The following CEP170 variants were observed in gnomAD, a reference collection of about 807,000 sequenced individuals.
CEP170 encodes centrosomal protein of 170 kDa.
CEP170 carries 21 observed loss-of-function variants against 151.9 expected under a neutral mutation model. That is an observed-to-expected ratio of 0.14 (90% CI 0.10 to 0.20). The LOEUF (loss-of-function observed/expected upper bound fraction) is 0.20, where lower values mean the gene tolerates loss of function less well. CEP170 is among the 10% of genes least tolerant of loss of function. The probability of loss-of-function intolerance (pLI) is 1.00; values close to 1 mark genes in which losing one functional copy is unlikely to be tolerated. For missense variants in CEP170, 964 were observed against 1,892.9 expected (o/e 0.51, Z 9.11); for synonymous variants, 356 against 648.8 (o/e 0.55, Z 6.86).
At chr1:243,200,451 GAGAACAA>G in intron 6 of CEP170, 60 bp downstream of exon 6, 1 of 1,589,786 alleles carries the variant, frequency 6.3e-7, no homozygotes. Context: ...CCAACTTTCT[GAGAACAA>G]AGCATGCAGT....
intron 2 of CEP170, among the ~76,000 whole-genome samples, chr1:243,223,354 C>A (rs1199571443): frequency 6.6e-6 from 1 of 152,068 alleles, no homozygotes; most frequent in Non-Finnish European, 1.5e-5. Context: ...TGAAATGTTA[C>A]CATTAGATAT....
chr1:243,145,029 T>G (rs2056302105), intron 14 of CEP170, among the ~76,000 whole-genome samples: 1 of 152,074 alleles, frequency 6.6e-6, no homozygotes, highest in Admixed American at 6.5e-5. Context: ...CTATGTAAAT[T>G]ATCTCAGTCA....
chr1:243,169,203 A>G (rs2058655056), intron 12 of CEP170: 1 of 152,900 alleles, frequency 6.5e-6, no homozygotes, highest in Non-Finnish European at 1.5e-5. Context: ...AAATTTAAAA[A>G]CCATTCTTAT....
At chr1:243,151,598 GA>G (rs1318792012) in intron 14 of CEP170, among the ~76,000 whole-genome samples, 1 of 152,260 alleles carries the variant, frequency 6.6e-6, no homozygotes, top group Non-Finnish European at 1.5e-5. Flanking sequence ...AACTGCAGAA[GA>G]AAAGTTTGCA....
At chr1:243,147,780 G>A (rs2056664800) in intron 14 of CEP170, among the ~76,000 whole-genome samples, 1 of 152,096 alleles carries the variant, frequency 6.6e-6, no homozygotes, top group Admixed American at 6.6e-5. Flanking sequence ...CTAAGACAAG[G>A]AACTTCTACG....
intron 10 of CEP170, among the ~76,000 whole-genome samples, chr1:243,176,388 T>C (rs2059255287): frequency 6.7e-6 from 1 of 149,980 alleles, no homozygotes; most frequent in African/African-American, 2.4e-5. Flanking sequence ...GAGAGCTGTC[T>C]GGGCCTGGCA....
intron 4 of CEP170, among the ~76,000 whole-genome samples, chr1:243,210,708 G>A (rs2061732213): frequency 7.5e-6 from 1 of 132,556 alleles, no homozygotes; most frequent in East Asian, 2.4e-4. Context: ...TCTGCCTCCT[G>A]GGTTCAAGCG....
chr1:243,164,219 A>ATTTT (rs1558464603), intron 13 of CEP170, 65 bp downstream of exon 13: 1 of 1,207,420 alleles, frequency 8.3e-7, no homozygotes, highest in Admixed American at 3.7e-5. Context: ...TTTTTTTTTA[A>ATTTT]AAAAAAAAAG....
chr1:243,239,321 C>T (rs1400144044), intron 1 of CEP170, among the ~76,000 whole-genome samples: 1 of 152,140 alleles, frequency 6.6e-6, no homozygotes, highest in Non-Finnish European at 1.5e-5. Flanking sequence ...CCTTTGATTC[C>T]ACATCCTAAA....
intron 13 of CEP170, 187 bp from the exon 14 acceptor site, chr1:243,156,642 G>C (rs563624105): frequency 4.2e-5 from 20 of 476,982 alleles, no homozygotes; most frequent in East Asian, 1.3e-4. Context: ...ACACTTCGGT[G>C]AATTAAAAAC....
chr1:243,129,252 A>G (rs2054085607), intron 18 of CEP170, 108 bp downstream of exon 18: 1 of 757,878 alleles, frequency 1.3e-6, no homozygotes, highest in African/African-American at 1.8e-5. Context: ...TTTTGCATTT[A>G]TATCTTCTTT....
At chr1:243,130,686 A>C (rs2054292219) in intron 17 of CEP170, among the ~76,000 whole-genome samples, 2 of 151,834 alleles carry the variant, frequency 1.3e-5, no homozygotes, top group Admixed American at 6.6e-5. Flanking sequence ...TAGTAAACTA[A>C]GTTAATATTT....
At chr1:243,149,917 A>C (rs2056900413) in intron 14 of CEP170, among the ~76,000 whole-genome samples, 1 of 152,046 alleles carries the variant, frequency 6.6e-6, no homozygotes, top group South Asian at 2.1e-4. Flanking sequence ...TTTACTGTTA[A>C]GATTATCACT....
At chr1:243,219,028 C>A (rs764242530) in intron 3 of CEP170, among the ~76,000 whole-genome samples, 13 of 152,252 alleles carry the variant, frequency 8.5e-5, no homozygotes, top group Middle Eastern at 6.8e-3. Flanking sequence ...TCTACAAGTT[C>A]TCTTATGACT....
At chr1:243,224,243 CT>C (rs1263530014) in intron 2 of CEP170, among the ~76,000 whole-genome samples, 1 of 152,096 alleles carries the variant, frequency 6.6e-6, no homozygotes, top group African/African-American at 2.4e-5. Context: ...ATGGGAAAAC[CT>C]TAGCTGATCT....
intron 7 of CEP170, among the ~76,000 whole-genome samples, chr1:243,197,217 G>C (rs1283492271): frequency 6.6e-6 from 1 of 152,044 alleles, no homozygotes; most frequent in Admixed American, 6.6e-5. Context: ...CTAAGGATTA[G>C]ACAGACAAGG....
chr1:243,187,435 A>G (rs866498550), intron 8 of CEP170, among the ~76,000 whole-genome samples: 2 of 152,250 alleles, frequency 1.3e-5, no homozygotes, highest in Non-Finnish European at 2.9e-5. Context: ...TAGAAAGTCA[A>G]GTTATTCTGT....
intron 14 of CEP170, among the ~76,000 whole-genome samples, chr1:243,145,122 T>TA (rs2056315085): frequency 6.6e-6 from 1 of 152,160 alleles, no homozygotes; most frequent in South Asian, 2.1e-4. Flanking sequence ...AAGGATATAT[T>TA]AAAAATTAGA....
At chr1:243,143,856 C>T (rs1454434923) in intron 14 of CEP170, among the ~76,000 whole-genome samples, 1 of 152,024 alleles carries the variant, frequency 6.6e-6, no homozygotes, top group Non-Finnish European at 1.5e-5. Flanking sequence ...ACATGCCTGG[C>T]TTAAAGTAAC....
Sources: allele counts gnomAD v4.1 joint callset (sites outside exome capture counted in the v4.1 genomes callset), GRCh38; gene constraint gnomAD v4.1.1; transcripts MANE v1.5; gene names NCBI Gene and HGNC (gene_info 2026-07-23, HGNC 2026-07-21).